The following FAM135A variants were observed in gnomAD, a reference collection of about 807,000 sequenced individuals.
The protein encoded by FAM135A is protein FAM135A.
Under a neutral mutation model 146.8 loss-of-function variants are expected in FAM135A, and 79 were observed. That is an observed-to-expected ratio of 0.54 (90% CI 0.45 to 0.65). FAM135A has a LOEUF of 0.65. Ranked by LOEUF, FAM135A falls within the 30% of genes least tolerant of loss-of-function variation. The probability of loss-of-function intolerance (pLI) is 0.00; values close to 1 mark genes in which losing one functional copy is unlikely to be tolerated. For synonymous variants in FAM135A, 562 were observed against 603.6 expected (o/e 0.93, Z 1.01); for missense variants, 1,623 against 1,758.2 (o/e 0.92, Z 1.38).
intron 5 of FAM135A, among the ~76,000 whole-genome samples, chr6:70,460,511 A>C (rs1779222426): frequency 6.6e-6 from 1 of 152,218 alleles, no homozygotes; most frequent in Non-Finnish European, 1.5e-5. Context: ...GTTGAAAACA[A>C]GTATTTGCAC....
intron 20 of FAM135A, among the ~76,000 whole-genome samples, chr6:70,547,306 A>G (rs1799023996): frequency 1.3e-5 from 2 of 152,224 alleles, no homozygotes; most frequent in South Asian, 4.1e-4. Context: ...AGCATCAGCT[A>G]ACATTATTTT....
intron 12 of FAM135A, among the ~76,000 whole-genome samples, chr6:70,521,480 T>C (rs772597711): frequency 5.3e-5 from 8 of 152,196 alleles, no homozygotes; most frequent in Non-Finnish European, 7.4e-5. Flanking sequence ...GATATCTTCT[T>C]TTCCCACTTC....
intron 2 of FAM135A, among the ~76,000 whole-genome samples, chr6:70,421,517 G>A (rs373114252): frequency 7.9e-4 from 121 of 152,308 alleles, no homozygotes; most frequent in African/African-American, 2.8e-3. Context: ...GTAGTTGTCA[G>A]ATTGTTTACC....
chr6:70,446,528 G>A (rs1351939684), intron 4 of FAM135A, among the ~76,000 whole-genome samples: 1 of 152,152 alleles, frequency 6.6e-6, no homozygotes, highest in Non-Finnish European at 1.5e-5. Context: ...TTCTAAACAA[G>A]TAAGTTCATT....
intron 4 of FAM135A, among the ~76,000 whole-genome samples, chr6:70,438,664 TG>T (rs1562419311): frequency 6.6e-6 from 1 of 152,170 alleles, no homozygotes; most frequent in Non-Finnish European, 1.5e-5. Context: ...CACGAGAAGC[TG>T]TAAAGTGCTT....
At chr6:70,485,712 C>T (rs1784494587) in intron 10 of FAM135A, among the ~76,000 whole-genome samples, 2 of 152,128 alleles carry the variant, frequency 1.3e-5, no homozygotes, top group South Asian at 2.1e-4. Flanking sequence ...GAGTTCCTTT[C>T]GGCTTTTTTG....
intron 2 of FAM135A, among the ~76,000 whole-genome samples, chr6:70,420,556 A>G (rs1191218724): frequency 6.6e-6 from 1 of 152,126 alleles, no homozygotes; most frequent in African/African-American, 2.4e-5. Flanking sequence ...GGAACTTTGT[A>G]TGGTTTTATG....
chr6:70,443,617 T>A (rs1041349074), intron 4 of FAM135A, among the ~76,000 whole-genome samples: 30 of 152,260 alleles, frequency 2.0e-4, no homozygotes, highest in African/African-American at 6.8e-4. Flanking sequence ...TTTCTGTCAG[T>A]CTGATAGTTG....
At chr6:70,516,510 A>G (rs1276554182) in intron 12 of FAM135A, among the ~76,000 whole-genome samples, 2 of 151,132 alleles carry the variant, frequency 1.3e-5, no homozygotes, top group Middle Eastern at 3.2e-3. Flanking sequence ...TTTTAATATC[A>G]TAAAATAGTA....
At chr6:70,517,220 C>G (rs1162653908) in intron 12 of FAM135A, among the ~76,000 whole-genome samples, 2 of 152,058 alleles carry the variant, frequency 1.3e-5, no homozygotes, top group African/African-American at 4.8e-5. Flanking sequence ...CAAACCACAT[C>G]TAGCACTTCC....
Position 70,427,012 on chromosome 6 carries a change from G to A in FAM135A, c.-40+480G>A, listed in dbSNP as rs979180079. 3.3e-5 allele frequency among the ~76,000 whole-genome samples: 5 copies of A among 152,222 alleles called. No homozygotes were observed. In the South Asian group the frequency reaches 6.2e-4, roughly 19 times the overall value. ...CTGTCTATGTCTCTGCTTGTGAGACGTGTAGAAACATGAGAGATTTGTGAA... is the reference window on the plus strand; with the variant it reads ...CTGTCTATGTCTCTGCTTGTGAGACATGTAGAAACATGAGAGATTTGTGAA... On this transcript the variant is annotated intron_variant, in intron 3 of 21. Transcript: ENST00000418814.
In FAM135A at chr6:70,524,993, A is replaced by T; in HGVS notation, c.1909A>T (p.Arg637Ter). The T allele has an allele frequency of 6.2e-7, 1 of 1,602,474 alleles. No homozygotes were observed. Among genetic ancestry groups the T allele is most frequent in the Non-Finnish European group, 8.5e-7 (1 of 1,175,684 alleles). ...ITQMEHNLAS[R>*]RSSDDCHDHQ... ...ACAAATGGAACACAATCTGGCATCC[A>T]GAAGGTCATCAGACGATTGCCATGA... Residue 637 changes from arginine to a stop codon, truncating the protein, a stop_gained, in exon 15 of 22, where the codon AGA becomes TGA. Coordinates refer to ENST00000418814, the MANE Select transcript of FAM135A (RefSeq NM_001162529.3). LOFTEE classifies it high-confidence loss of function.
chr6:70,433,404 A>G (rs946765179), intron 4 of FAM135A, among the ~76,000 whole-genome samples: 1 of 152,170 alleles, frequency 6.6e-6, no homozygotes, highest in Non-Finnish European at 1.5e-5. Context: ...GAAAGGAGGC[A>G]CTGTTAATAA....
intron 20 of FAM135A, among the ~76,000 whole-genome samples, chr6:70,556,457 T>C (rs539738177): frequency 5.6e-4 from 85 of 152,302 alleles, no homozygotes; most frequent in African/African-American, 2.0e-3. Context: ...ATACTTTCTA[T>C]AGAACATTAG....
chr6:70,472,804 G>A (rs1009849634), intron 5 of FAM135A, among the ~76,000 whole-genome samples: 17 of 152,156 alleles, frequency 1.1e-4, no homozygotes, highest in South Asian at 6.2e-4. Flanking sequence ...TTACAATTTC[G>A]TCATGATTAG....
chr6:70,491,173 A>T (rs575263380), intron 11 of FAM135A, 90 bp downstream of exon 11: 4 of 1,051,228 alleles, frequency 3.8e-6, no homozygotes, highest in Non-Finnish European at 5.6e-6. Context: ...AACTTAAAGT[A>T]TTTATAGTTC....
At chr6:70,510,847 GT>G (rs1790830785) in intron 12 of FAM135A, among the ~76,000 whole-genome samples, 1 of 152,020 alleles carries the variant, frequency 6.6e-6, no homozygotes, top group African/African-American at 2.4e-5. Context: ...CATCCAAACT[GT>G]TTTCCACAGC....
At chr6:70,493,276 GTGA>G (rs1333521226) in intron 11 of FAM135A, among the ~76,000 whole-genome samples, 26 of 151,996 alleles carry the variant, frequency 1.7e-4, no homozygotes, top group African/African-American at 6.0e-4. Context: ...TTGTGTTTAT[GTGA>G]TTACATATGA....
At chr6:70,481,970 ACT>A (rs756492484) in intron 9 of FAM135A, 29 bp from the exon 10 acceptor site, 17 of 1,579,698 alleles carry the variant, frequency 1.1e-5, no homozygotes, top group Non-Finnish European at 1.3e-5. Context: ...TATTACTGAC[ACT>A]CTGTATCCTA....
Sources: allele counts gnomAD v4.1 joint callset (sites outside exome capture counted in the v4.1 genomes callset), GRCh38; gene constraint gnomAD v4.1.1; transcripts MANE v1.5; gene names NCBI Gene and HGNC (gene_info 2026-07-23, HGNC 2026-07-21).